DPP10: variants seen among roughly 807,000 people sequenced by gnomAD.
DPP10 encodes inactive dipeptidyl peptidase 10.
DPP10 carries 33 observed loss-of-function variants against 120.9 expected under a neutral mutation model. That is an observed-to-expected ratio of 0.27 (90% CI 0.21 to 0.37). The LOEUF (loss-of-function observed/expected upper bound fraction) is 0.37, where lower values mean the gene tolerates loss of function less well. DPP10 is among the 10% of genes least tolerant of loss of function. The pLI, the probability that DPP10 is intolerant of heterozygous loss-of-function variation, is 1.00. For synonymous variants in DPP10, 337 were observed against 326.1 expected, an observed-to-expected ratio of 1.03 and a Z score of -0.36; for missense variants, 816 against 942.8, an observed-to-expected ratio of 0.87 and a Z score of 1.76.
intron 1 of DPP10, among the ~76,000 whole-genome samples, chr2:115,048,932 T>C (rs1396084107): frequency 6.6e-6 from 1 of 152,160 alleles, no homozygotes; most frequent in Non-Finnish European, 1.5e-5. Flanking sequence ...TTATAAGTAT[T>C]CTTCTGTTTG....
intron 1 of DPP10, among the ~76,000 whole-genome samples, chr2:115,227,537 G>A (rs1418586248): frequency 6.6e-6 from 1 of 152,172 alleles, no homozygotes; most frequent in East Asian, 1.9e-4. Context: ...ATACAGAATA[G>A]TTAGCCCAAA....
At chr2:115,328,260 T>C (rs903603846) in intron 2 of DPP10, among the ~76,000 whole-genome samples, 5 of 152,064 alleles carry the variant, frequency 3.3e-5, no homozygotes, top group African/African-American at 9.7e-5. Flanking sequence ...CTTCTCCAAA[T>C]GTGGAAAGCT....
chr2:114,702,402 G>A (rs1218637422), intron 1 of DPP10, among the ~76,000 whole-genome samples: 2 of 151,906 alleles, frequency 1.3e-5, no homozygotes, highest in Non-Finnish European at 1.5e-5. Context: ...CACAGTGGGC[G>A]ATCTCTATTC....
chr2:115,651,417 G>A (rs2087759603), intron 5 of DPP10, among the ~76,000 whole-genome samples: 1 of 151,954 alleles, frequency 6.6e-6, no homozygotes, highest in African/African-American at 2.4e-5. Context: ...TCCCGGCGCT[G>A]AATTATCTTC....
chr2:114,925,845 G>C (rs1044762118), intron 1 of DPP10, among the ~76,000 whole-genome samples: 6 of 152,128 alleles, frequency 3.9e-5, no homozygotes, highest in African/African-American at 1.4e-4. Context: ...CCACAGGCTA[G>C]TCTTAGGCCA....
chr2:114,766,191 C>T (rs919856258), intron 1 of DPP10, among the ~76,000 whole-genome samples: 2 of 151,742 alleles, frequency 1.3e-5, no homozygotes, highest in Non-Finnish European at 2.9e-5. Flanking sequence ...TGGAAAAGAC[C>T]TAAATGGAAC....
chr2:115,026,814 G>A (rs1249468514), intron 1 of DPP10, among the ~76,000 whole-genome samples: 2 of 152,172 alleles, frequency 1.3e-5, no homozygotes, highest in African/African-American at 4.8e-5. Flanking sequence ...GGGATTACAG[G>A]TGTGAGCCAC....
chr2:114,982,398 T>G (rs558286111), intron 1 of DPP10, among the ~76,000 whole-genome samples: 1 of 151,862 alleles, frequency 6.6e-6, no homozygotes, highest in Admixed American at 6.6e-5. Flanking sequence ...TCTATAAAGA[T>G]AAAAAAAACA....
rs923958595 is a variant in DPP10 at position 115,219,099 on chromosome 2, G to T, written c.61-90140G>T. On this transcript the variant is annotated intron_variant, in intron 1 of 25. Coordinates refer to ENST00000410059, the MANE Select transcript of DPP10 (RefSeq NM_020868.6). Reference sequence around the variant, plus strand: ...CTTATTTTATAAATAATAAACAGAGGCACAGAAAGTTCAGAGTTACATTTG... The same window carrying T: ...CTTATTTTATAAATAATAAACAGAGTCACAGAAAGTTCAGAGTTACATTTG... 9.2e-5 allele frequency among the ~76,000 whole-genome samples: 14 copies of T among 152,022 alleles called. No individual in the cohort carries two copies. The East Asian group carries it at 2.7e-3, about 29-fold the overall frequency.
At chr2:115,015,752 G>C (rs989083638) in intron 1 of DPP10, among the ~76,000 whole-genome samples, 1 of 152,096 alleles carries the variant, frequency 6.6e-6, no homozygotes, top group African/African-American at 2.4e-5. Context: ...ATTCACAATT[G>C]CTACAAAGAG....
chr2:115,486,973 G>T (rs1424532546), intron 3 of DPP10, among the ~76,000 whole-genome samples: 2 of 152,080 alleles, frequency 1.3e-5, no homozygotes, highest in Non-Finnish European at 2.9e-5. Context: ...CAATTATGAT[G>T]ACTTTTAAAT....
Position 114,726,751 on chromosome 2 carries a change from G to A in DPP10, c.60+283913G>A, listed in dbSNP as rs1444859863. Among the ~76,000 whole-genome samples, 3 of 152,262 alleles carry A rather than the reference G, an allele frequency of 2.0e-5. No individual in the cohort carries two copies. In the East Asian group the frequency reaches 5.8e-4, roughly 29 times the overall value. On this transcript the variant is annotated intron_variant, in intron 1 of 25. Transcript: ENST00000410059. ...CATCAACTGAATGCCCTTTAAGCAG[G>A]CCACCTGTAGTTTGAATTGTGCAGG...
chr2:114,480,279 C>A (rs576043089), intron 1 of DPP10, among the ~76,000 whole-genome samples: 3,873 of 151,090 alleles, frequency 0.026, 156 homozygotes, highest in African/African-American at 0.091. Context: ...TAGTTCAACC[C>A]TTGTGGAAGT....
At chr2:115,739,666 CA>C in intron 8 of DPP10, 72 bp from the exon 9 acceptor site, 4 of 1,488,170 alleles carry the variant, frequency 2.7e-6, no homozygotes, top group Non-Finnish European at 3.7e-6. Flanking sequence ...ATGGAGATTT[CA>C]AGGACAGATG....
At chr2:114,952,448 G>A (rs942634268) in intron 1 of DPP10, among the ~76,000 whole-genome samples, 2 of 152,044 alleles carry the variant, frequency 1.3e-5, no homozygotes, top group African/African-American at 4.8e-5. Flanking sequence ...CAGTAGCCAC[G>A]TGGATTGATA....
intron 1 of DPP10, among the ~76,000 whole-genome samples, chr2:114,985,515 C>T (rs1032459587): frequency 5.3e-5 from 8 of 152,292 alleles, no homozygotes; most frequent in Admixed American, 2.6e-4. Context: ...GTGCACCCTA[C>T]GTTGAGCAAA....
intron 1 of DPP10, among the ~76,000 whole-genome samples, chr2:115,176,274 TA>T (rs1192564265): frequency 1.4e-5 from 2 of 147,596 alleles, no homozygotes; most frequent in African/African-American, 4.9e-5. Context: ...ATATATTTTA[TA>T]AAAAATTTAA....
At chr2:115,704,551 A>G (rs1056176953) in intron 7 of DPP10, among the ~76,000 whole-genome samples, 1 of 152,006 alleles carries the variant, frequency 6.6e-6, no homozygotes, top group Admixed American at 6.6e-5. Flanking sequence ...TGTAAGTTTA[A>G]TAAATTTCTG....
At chr2:114,767,248 TGAAA>T (rs1304979897) in intron 1 of DPP10, among the ~76,000 whole-genome samples, 14 of 68,160 alleles carry the variant, frequency 2.1e-4, no homozygotes, top group East Asian at 1.5e-3. Flanking sequence ...ACTGAAAGAG[TGAAA>T]GATAGATTTG....
Sources: allele counts gnomAD v4.1 joint callset (sites outside exome capture counted in the v4.1 genomes callset), GRCh38; gene constraint gnomAD v4.1.1; transcripts MANE v1.5; gene names NCBI Gene and HGNC (gene_info 2026-07-23, HGNC 2026-07-21).